API5: variants seen among roughly 807,000 people sequenced by gnomAD.
API5 encodes the protein apoptosis inhibitor 5.
In API5, 6 loss-of-function variants were observed where a neutral mutation model predicts 71.9. The observed-to-expected ratio is 0.08, with a 90% CI of 0.05 to 0.16. API5 has a LOEUF of 0.16. Ranked by LOEUF, API5 falls within the 10% of genes least tolerant of loss-of-function variation. API5 has a pLI of 1.00. For missense variants in API5, 332 were observed against 612.8 expected (o/e 0.54, Z 4.84); for synonymous variants, 189 against 221.3 (o/e 0.85, Z 1.30).
intron 1 of API5, among the ~76,000 whole-genome samples, chr11:43,314,633 G>A (rs1156639138): frequency 6.6e-6 from 1 of 152,106 alleles, no homozygotes; most frequent in Non-Finnish European, 1.5e-5. Flanking sequence ...TTCTCTGTAG[G>A]TTATGGGTGA....
At chr11:43,320,952 T>A in intron 3 of API5, 38 bp downstream of exon 3, 1 of 1,508,990 alleles carries the variant, frequency 6.6e-7, no homozygotes, top group Non-Finnish European at 9.2e-7. Context: ...TCTAAATATA[T>A]ATCTTCTTTC....
chr11:43,332,576 A>G (rs1855292794), intron 11 of API5, among the ~76,000 whole-genome samples: 1 of 152,168 alleles, frequency 6.6e-6, no homozygotes, highest in African/African-American at 2.4e-5. Flanking sequence ...GGTCTTGAAG[A>G]GTCCTGAGTG....
intron 13 of API5, 76 bp from the exon 14 acceptor site, chr11:43,342,352 T>G: frequency 5.7e-6 from 7 of 1,236,784 alleles, no homozygotes; most frequent in Non-Finnish European, 8.0e-6. Flanking sequence ...TTCAGAGTTA[T>G]GAGCTACGTT....
chr11:43,314,797 C>A (rs1234220112), intron 1 of API5, among the ~76,000 whole-genome samples: 2 of 152,182 alleles, frequency 1.3e-5, no homozygotes, highest in African/African-American at 4.8e-5. Context: ...GGTTATACTT[C>A]TCCCCTTTTA....
In API5 at chr11:43,313,102, G is replaced by A. The variant is rs368646737; in HGVS notation, c.69+906G>A. ...AGCCTGGGAGACAAAGCAAGACCCC[G>A]TCTCAAAAAAAAAAAAAAAGGTTTT... On this transcript the variant is annotated intron_variant, in intron 1 of 13. Transcript: ENST00000531273. Among the ~76,000 whole-genome samples the A allele has an allele frequency of 3.5e-3, 457 of 131,108 alleles. 2 individuals are homozygous for A. Among genetic ancestry groups the A allele is most frequent in the African/African-American group, 0.011 (424 of 37,206 alleles). 86.0% of individuals were successfully genotyped at this position (131,108 alleles called of 152,430 possible).
intron 13 of API5, chr11:43,340,122 C>A: frequency 4.8e-6 from 1 of 207,596 alleles, no homozygotes; most frequent in South Asian, 5.8e-5. Flanking sequence ...ATACAAAAAT[C>A]AGTAGCATTT....
chr11:43,337,007 CAAAAAAA>C (rs559170436), intron 13 of API5, among the ~76,000 whole-genome samples: 4 of 66,832 alleles, frequency 6.0e-5, no homozygotes, highest in African/African-American at 2.8e-4. Context: ...GACTCCGTCT[CAAAAAAA>C]AAAAAAAAAA....
At chr11:43,328,165 G>T (rs930768524) in intron 8 of API5, among the ~76,000 whole-genome samples, 1 of 152,192 alleles carries the variant, frequency 6.6e-6, no homozygotes, top group Non-Finnish European at 1.5e-5. Context: ...TAAGCATTAG[G>T]TCCTTAGCAT....
intron 1 of API5, among the ~76,000 whole-genome samples, chr11:43,313,124 T>G (rs1401887967): frequency 1.6e-4 from 24 of 146,792 alleles, no homozygotes; most frequent in Admixed American, 7.5e-4. Flanking sequence ...AAAAAAAAGG[T>G]TTTTTTTAAA....
In API5 at chr11:43,342,891, T is replaced by G; in HGVS notation, c.*381T>G. ...TTTGAAAGGTTACTGATTTTCCTCTTCCCTCTTAGTTTTTTACCCAATATA... is the reference window on the plus strand; with the variant it reads ...TTTGAAAGGTTACTGATTTTCCTCTGCCCTCTTAGTTTTTTACCCAATATA... On this transcript the variant is annotated 3_prime_UTR_variant, in exon 14 of 14. Transcript: ENST00000531273. 1 of 500,468 alleles carries G rather than the reference T, an allele frequency of 2.0e-6. No homozygotes were observed. The allele number at this position is 500,468 out of a possible 1,614,324, so 31.0% of individuals were successfully genotyped here.
chr11:43,330,358 C>T (rs148577390), intron 10 of API5, 150 bp from the exon 11 acceptor site: 116 of 690,534 alleles, frequency 1.7e-4, no homozygotes, highest in South Asian at 5.0e-4. Context: ...AATAGGAATA[C>T]GCATTATCTA....
chr11:43,334,377 A>T (rs1319199556), intron 11 of API5, among the ~76,000 whole-genome samples: 1 of 152,166 alleles, frequency 6.6e-6, no homozygotes, highest in East Asian at 1.9e-4. Context: ...TAACATTATA[A>T]TATGCAAAAT....
intron 6 of API5, among the ~76,000 whole-genome samples, chr11:43,323,946 T>C (rs965944665): frequency 3.3e-4 from 50 of 152,200 alleles, no homozygotes; most frequent in African/African-American, 1.2e-3. Context: ...GAGGGATGCT[T>C]GGTCTGTGTT....
intron 4 of API5, among the ~76,000 whole-genome samples, 168 bp downstream of exon 4, chr11:43,321,644 A>G (rs886606642): frequency 6.6e-6 from 1 of 152,192 alleles, no homozygotes. Context: ...GACTAGAAAA[A>G]CGAGCAGAAA....
chr11:43,330,425 A>G, intron 10 of API5, 83 bp from the exon 11 acceptor site: 2 of 991,348 alleles, frequency 2.0e-6, no homozygotes, highest in Non-Finnish European at 3.2e-6. Context: ...ATAGAAGTGT[A>G]ATTACTCTAG....
intron 13 of API5, chr11:43,339,413 T>A (rs973050856): frequency 6.6e-6 from 1 of 152,130 alleles, no homozygotes; most frequent in East Asian, 1.9e-4. Context: ...AATGAGGAAG[T>A]TTAGAAGTTA....
chr11:43,330,026 G>A lies in API5; in HGVS notation c.1189G>A (p.Gly397Ser). The change falls in exon 10 of 14, where the codon GGT becomes AGT. Residue 397 changes from glycine to serine, a missense_variant. Gly to Ser is a moderately conservative substitution (Grantham distance 56). This residue lies in a region of API5 where 168 missense variants were observed against 343.9 expected (regional missense o/e 0.49). Transcript: ENST00000531273. The stretch of plus-strand genomic sequence containing the variant: ...CAGACAACTTCGCTTAGCTCTCCAG[G>A]GTAAAACGGGTGAGGCCTTAAAAAC... ...YIRQLRLALQ[G>S]KTGEALKTEE... 1 of 1,613,758 alleles carries A rather than the reference G, an allele frequency of 6.2e-7. No homozygotes were observed. The highest frequency in any genetic ancestry group is 8.5e-7 in the Non-Finnish European group (1 of 1,179,812).
chr11:43,323,380 T>G (rs772611364), intron 5 of API5, 50 bp from the exon 6 acceptor site: 1 of 1,450,602 alleles, frequency 6.9e-7, no homozygotes, highest in East Asian at 2.3e-5. Flanking sequence ...TGTTGATCTG[T>G]CCCATTCAAA....
At chr11:43,320,781 T>G (rs1590354433) in intron 2 of API5, 40 bp from the exon 3 acceptor site, 1 of 1,395,178 alleles carries the variant, frequency 7.2e-7, no homozygotes, top group Non-Finnish European at 1.0e-6. Flanking sequence ...ATTTTAAAGG[T>G]GATAGTATTT....
Sources: gnomAD v4.1 joint callset for allele counts (sites outside exome capture counted in the v4.1 genomes callset) on GRCh38, gnomAD v4.1.1 for gene constraint, gnomAD v4.1.1 regional missense constraint, MANE v1.5 for transcripts, NCBI Gene and HGNC (gene_info 2026-07-23, HGNC 2026-07-21) for gene names.